Variants in KIAA0753 observed in about 807,000 individuals in gnomAD.
KIAA0753 encodes the protein protein moonraker.
In KIAA0753, 114 loss-of-function variants were observed where a neutral mutation model predicts 116.9. The observed-to-expected ratio is 0.98, with a 90% CI of 0.84 to 1.14. The LOEUF is 1.14. Among genes scored for constraint, KIAA0753 ranks in the 50% most tolerant of loss-of-function variants. The probability of loss-of-function intolerance (pLI) is 0.00; values close to 1 mark genes in which losing one functional copy is unlikely to be tolerated. For missense variants in KIAA0753, 1,156 were observed against 1,172.4 expected, an observed-to-expected ratio of 0.99 and a Z score of 0.20; for synonymous variants, 405 against 413.1, an observed-to-expected ratio of 0.98 and a Z score of 0.24.
chr17:6,608,256 T>C (rs1970316536), intron 10 of KIAA0753, 92 bp downstream of exon 10: 2 of 525,050 alleles, frequency 3.8e-6, no homozygotes, highest in East Asian at 3.1e-5. Flanking sequence ...TAACCAACTT[T>C]AAATGTAGGA....
At chr17:6,605,212 T>C (rs1247039404) in intron 12 of KIAA0753, among the ~76,000 whole-genome samples, 2 of 152,196 alleles carry the variant, frequency 1.3e-5, no homozygotes, top group Non-Finnish European at 2.9e-5. Context: ...ATTCCTGGCT[T>C]GTCTTGCCCC....
chr17:6,625,160 G>C (rs554372266), intron 3 of KIAA0753, among the ~76,000 whole-genome samples: 9 of 152,112 alleles, frequency 5.9e-5, no homozygotes, highest in Non-Finnish European at 1.0e-4. Flanking sequence ...TACTATTTTA[G>C]AATTCCTTAT....
At chr17:6,617,383 G>A (rs953909387) in intron 7 of KIAA0753, among the ~76,000 whole-genome samples, 5 of 152,114 alleles carry the variant, frequency 3.3e-5, no homozygotes, top group Non-Finnish European at 2.9e-5. Context: ...GAAGGAGAGC[G>A]AACATCCCAT....
intron 2 of KIAA0753, among the ~76,000 whole-genome samples, chr17:6,632,747 G>C (rs1246599124): frequency 2.0e-5 from 3 of 152,198 alleles, no homozygotes; most frequent in African/African-American, 4.8e-5. Flanking sequence ...GAAGCACTCA[G>C]TATCATTCAG....
In KIAA0753 at chr17:6,610,339, A is replaced by G. The variant is rs543134832; in HGVS notation, c.1546-179T>C. ...GGGTGTAAATTTCATTGAAACAACC[A>G]TGGTAGGGGCGGGGGGTGGAGGGTG... On this transcript the variant is annotated intron_variant, in intron 8 of 18. Coordinates refer to ENST00000361413, the MANE Select transcript of KIAA0753 (RefSeq NM_014804.3). Among the ~76,000 whole-genome samples the G allele has an allele frequency of 6.1e-4, 40 of 65,352 alleles. 2 individuals carry two copies. Among genetic ancestry groups the G allele is most frequent in the African/African-American group, 3.6e-3 (39 of 10,910 alleles). The allele number at this position is 65,352 out of a possible 152,430, so 42.9% of individuals were successfully genotyped here. A position where few individuals can be genotyped will look rare whatever the true frequency, so the allele number is the denominator to read the frequency against.
In KIAA0753 at chr17:6,608,297, T is replaced by C. The variant is rs72835749; in HGVS notation, c.1829+51A>G. The C allele has an allele frequency of 6.9e-3, 5,771 of 834,294 alleles. 23 individuals are homozygous for C. The highest frequency in any genetic ancestry group is 8.7e-3 in the Non-Finnish European group (4,920 of 567,650). 51.7% of individuals were successfully genotyped at this position (834,294 alleles called of 1,614,324 possible). A position where few individuals can be genotyped will look rare whatever the true frequency, so the allele number is the denominator to read the frequency against. The stretch of plus-strand genomic sequence containing the variant: ...AAGAAAGGGTTCACTTCCAAGTCTA[T>C]GTAAAAGGAGCTCTTTAATTCTCAA... On this transcript the variant is annotated intron_variant, in intron 10 of 18. Coordinates refer to ENST00000361413, the MANE Select transcript of KIAA0753 (RefSeq NM_014804.3).
intron 2 of KIAA0753, among the ~76,000 whole-genome samples, chr17:6,631,170 T>C (rs1275585338): frequency 1.3e-5 from 2 of 151,916 alleles, no homozygotes; most frequent in African/African-American, 4.8e-5. Context: ...CCCAAATAAA[T>C]ACCAACAGAA....
At chr17:6,616,520 A>G (rs186090658) in intron 7 of KIAA0753, among the ~76,000 whole-genome samples, 135 of 152,322 alleles carry the variant, frequency 8.9e-4, no homozygotes, top group African/African-American at 3.0e-3. Flanking sequence ...TTCCCATTTT[A>G]CAGATAAAAA....
chr17:6,640,274 G>A (rs910167357), intron 1 of KIAA0753: 1 of 152,568 alleles, frequency 6.6e-6, no homozygotes, highest in Non-Finnish European at 1.5e-5. Flanking sequence ...TGCTCTCCCC[G>A]GCGCAGCCTG....
rs746068882 is a variant in KIAA0753, at chr17:6,623,016, G to A, written c.970C>T (p.Arg324Ter). 3.8e-5 allele frequency: 61 copies of A among 1,613,986 alleles called. No homozygotes were observed. Among genetic ancestry groups the A allele is most frequent in the Non-Finnish European group, 4.7e-5 (55 of 1,180,014 alleles). Residue 324 changes from arginine (R) to a stop codon, truncating the protein, a stop_gained, in exon 6 of 19, where the codon CGA becomes TGA. Coordinates refer to ENST00000361413, the MANE Select transcript of KIAA0753 (RefSeq NM_014804.3). LOFTEE classifies it high-confidence loss of function. Reference protein sequence around the residue: ...LQMFVTQFTDRGEHPLPARCK... With the variant: ...LQMFVTQFTD ...CGAGCAGGAAGTGGATGCTCCCCTC[G>A]GTCAGTAAACTGAGTGACAAACATC...
At chr17:6,588,278 A>G (rs1416237928) in intron 18 of KIAA0753, among the ~76,000 whole-genome samples, 1 of 152,222 alleles carries the variant, frequency 6.6e-6, no homozygotes, top group Non-Finnish European at 1.5e-5. Context: ...AAGTTTCAAG[A>G]AATTTCCTCC....
rs537911283 is a variant in KIAA0753 at position 6,612,246 on chromosome 17, TCCTA to T, written c.1316-102_1316-99del. 382 of 828,512 alleles carry T rather than the reference TCCTA, an allele frequency of 4.6e-4. 2 individuals are homozygous for T. Among genetic ancestry groups the T allele is most frequent in the Middle Eastern group, 1.5e-3 (6 of 3,896 alleles). The allele number at this position is 828,512 out of a possible 1,614,324, so 51.3% of individuals were successfully genotyped here. Reference sequence around the variant, plus strand: ...CACACAGATAGGCTCCAAATACCTATCCTAGCCCTGCTGAGAAGCAGATGTTTTG... The same window carrying T: ...CACACAGATAGGCTCCAAATACCTATGCCCTGCTGAGAAGCAGATGTTTTG... On this transcript the variant is annotated intron_variant, in intron 7 of 18. Coordinates refer to ENST00000361413, the MANE Select transcript of KIAA0753 (RefSeq NM_014804.3).
chr17:6,589,936 C>A lies in KIAA0753; in HGVS notation c.2629G>T (p.Ala877Ser). Residue 877 changes from alanine (A) to serine (S), a missense_variant, in exon 18 of 19, where the codon GCC becomes TCC. Physicochemically the swap from Ala to Ser is moderately conservative, Grantham distance 99 (BLOSUM62 1). Coordinates refer to ENST00000361413, the MANE Select transcript of KIAA0753 (RefSeq NM_014804.3). Reference protein sequence around the residue: ...EKREAPLLSLAEDSQQKEGRA... With the variant: ...EKREAPLLSLSEDSQQKEGRA... ...CCTTCTTTCTGTTGAGAATCTTCGG[C>A]TAGGGAGAGAAGAGGGGCCTCTCTT... is the stretch of plus-strand genomic sequence containing the variant. 3.1e-6 allele frequency: 5 copies of A among 1,611,670 alleles called. No homozygotes were observed. Among genetic ancestry groups the A allele is most frequent in the Non-Finnish European group, 4.2e-6 (5 of 1,179,240 alleles).
At chr17:6,621,112 A>G (rs191267544) in intron 6 of KIAA0753, 114 bp from the exon 7 acceptor site, 1 of 833,684 alleles carries the variant, frequency 1.2e-6, no homozygotes, top group East Asian at 2.7e-5. Context: ...GGCTATCTCT[A>G]ACAGTTAACA....
rs74329285 is a variant in KIAA0753 at position 6,624,905 on chromosome 17, T to C, written c.719-44A>G. On this transcript the variant is annotated intron_variant, in intron 3 of 18. Coordinates refer to ENST00000361413, the MANE Select transcript of KIAA0753 (RefSeq NM_014804.3). ...TTCCCCAAAAGTGGATTATAAACCA[T>C]ATATTAAAACTTACAAAGACTTCAA... 5,620 of 1,278,940 alleles carry C rather than the reference T, an allele frequency of 4.4e-3. 171 individuals carry two copies. In the African/African-American group the frequency reaches 0.07, roughly 16 times the overall value. 79.2% of individuals were successfully genotyped at this position (1,278,940 alleles called of 1,614,324 possible).
chr17:6,630,121 AAAT>A (rs900649618), intron 2 of KIAA0753, among the ~76,000 whole-genome samples: 7 of 151,632 alleles, frequency 4.6e-5, no homozygotes, highest in Admixed American at 2.0e-4. Context: ...GACACTGTCT[AAAT>A]AATAATAATA....
rs192449978 is a variant in KIAA0753 at position 6,594,897 on chromosome 17, A to C, written c.2440+75T>G. 4,219 of 1,130,984 alleles carry C rather than the reference A, an allele frequency of 3.7e-3. 13 individuals are homozygous for C. Among genetic ancestry groups the C allele is most frequent in the Non-Finnish European group, 4.8e-3 (3,625 of 753,374 alleles). The allele number at this position is 1,130,984 out of a possible 1,614,324, so 70.1% of individuals were successfully genotyped here. On this transcript the variant is annotated intron_variant, in intron 16 of 18. Coordinates refer to ENST00000361413, the MANE Select transcript of KIAA0753 (RefSeq NM_014804.3). ...GTGAGTATAGCAGTGTTTACTATACAATTTTTTCAATTTTCTGTATGTTTG... is the reference window on the plus strand; with the variant it reads ...GTGAGTATAGCAGTGTTTACTATACCATTTTTTCAATTTTCTGTATGTTTG...
rs547446918 is a variant in KIAA0753 at position 6,630,924 on chromosome 17, GA to G, written c.94-2184del. On this transcript the variant is annotated intron_variant, in intron 2 of 18. Coordinates refer to ENST00000361413, the MANE Select transcript of KIAA0753 (RefSeq NM_014804.3). ...TGAATCACTTGTGCAAAAAGAAACA[GA>G]AAACAAAAATCAGAGACTAATGAGA... Among the ~76,000 whole-genome samples the G allele has an allele frequency of 6.6e-5, 10 of 152,228 alleles. No homozygotes were observed. The South Asian group carries it at 2.1e-3, about 32-fold the overall frequency.
At chr17:6,605,387 G>A (rs751890016) in intron 12 of KIAA0753, among the ~76,000 whole-genome samples, 2 of 152,276 alleles carry the variant, frequency 1.3e-5, no homozygotes, top group Admixed American at 6.5e-5. Context: ...CTGGCTCACC[G>A]ACAGGCCCTC....
Sources: allele counts gnomAD v4.1 joint callset (sites outside exome capture counted in the v4.1 genomes callset), GRCh38; gene constraint gnomAD v4.1.1; transcripts MANE v1.5; gene names NCBI Gene and HGNC (gene_info 2026-07-23, HGNC 2026-07-21).